The following HDAC9 variants were observed in gnomAD, a reference collection of about 807,000 sequenced individuals.
The protein encoded by HDAC9 is histone deacetylase 9.
A neutral mutation model predicts 139.4 loss-of-function variants in HDAC9; 41 were observed. The observed-to-expected ratio is 0.29, with a 90% CI of 0.23 to 0.38. The LOEUF (loss-of-function observed/expected upper bound fraction) is 0.38, where lower values mean the gene tolerates loss of function less well. HDAC9 is among the 10% of genes least tolerant of loss of function. The probability of loss-of-function intolerance (pLI) is 1.00; values close to 1 mark genes in which losing one functional copy is unlikely to be tolerated. For synonymous variants in HDAC9, 517 were observed against 476.2 expected, an observed-to-expected ratio of 1.09 and a Z score of -1.12; for missense variants, 1,147 against 1,297.0, an observed-to-expected ratio of 0.88 and a Z score of 1.78.
chr7:18,214,727 G>A (rs1792178095), intron 2 of HDAC9, among the ~76,000 whole-genome samples: 1 of 152,014 alleles, frequency 6.6e-6, no homozygotes, highest in Non-Finnish European at 1.5e-5. Context: ...ATACCTTTAT[G>A]TTTTTATTTA....
chr7:18,507,470 G>T (rs1249570511), intron 2 of HDAC9, among the ~76,000 whole-genome samples: 1 of 151,384 alleles, frequency 6.6e-6, no homozygotes, highest in Non-Finnish European at 1.5e-5. Flanking sequence ...TGGAATTACA[G>T]GCGTGAGCCA....
At chr7:18,945,688 T>C (rs146221384) in intron 23 of HDAC9, among the ~76,000 whole-genome samples, 54 of 152,148 alleles carry the variant, frequency 3.5e-4, no homozygotes, top group Middle Eastern at 3.4e-3. Flanking sequence ...AATATAGAGG[T>C]CAGGTTTGTT....
intron 12 of HDAC9, among the ~76,000 whole-genome samples, chr7:18,698,346 T>C (rs1051093851): frequency 2.0e-5 from 3 of 152,138 alleles, no homozygotes; most frequent in Non-Finnish European, 4.4e-5. Flanking sequence ...CCTCCTTTGG[T>C]TTGTGTTTAC....
At chr7:18,201,062 TC>T (rs1791081539) in intron 2 of HDAC9, among the ~76,000 whole-genome samples, 1 of 152,132 alleles carries the variant, frequency 6.6e-6, no homozygotes, top group South Asian at 2.1e-4. Flanking sequence ...CAGGCCCAGT[TC>T]CTTAGTTCTC....
intron 16 of HDAC9, among the ~76,000 whole-genome samples, chr7:18,770,844 G>T (rs1387193575): frequency 6.6e-6 from 1 of 152,164 alleles, no homozygotes; most frequent in African/African-American, 2.4e-5. Context: ...AAGCTGTGCT[G>T]GGGTTTACAG....
rs1445459859 is a variant in HDAC9, at chr7:19,000,454, G to A, written c.*4392G>A. On this transcript the variant is annotated 3_prime_UTR_variant, in exon 26 of 26. Coordinates refer to ENST00000686413, the MANE Select transcript of HDAC9 (RefSeq NM_178425.4). ...CAGAGGATGACATTTGTAAGTGAAC[G>A]TGGTATACTCACACATGCTATACTC... 1 of 152,166 alleles carries A rather than the reference G, an allele frequency of 6.6e-6. No homozygotes were observed. The highest frequency in any genetic ancestry group is 1.9e-4 in the East Asian group (1 of 5,202). 9.4% of individuals were successfully genotyped at this position (152,166 alleles called of 1,614,324 possible). A position where few individuals can be genotyped will look rare whatever the true frequency, so the allele number is the denominator to read the frequency against.
intron 12 of HDAC9, among the ~76,000 whole-genome samples, chr7:18,712,172 A>G (rs184953699): frequency 2.6e-5 from 4 of 152,012 alleles, no homozygotes; most frequent in Admixed American, 2.6e-4. Flanking sequence ...ATATAATCAC[A>G]TTTTTTCATT....
chr7:18,503,220 A>G (rs1422578980), intron 2 of HDAC9, among the ~76,000 whole-genome samples: 1 of 152,254 alleles, frequency 6.6e-6, no homozygotes, highest in East Asian at 1.9e-4. Context: ...CTGTTTTTGA[A>G]AGGAAGCTGA....
chr7:18,813,100 TCTTATA>T (rs1794308075), intron 17 of HDAC9, among the ~76,000 whole-genome samples: 1 of 152,134 alleles, frequency 6.6e-6, no homozygotes, highest in East Asian at 1.9e-4. Flanking sequence ...CAGATTTTTG[TCTTATA>T]CTTCTGAGTC....
chr7:18,667,694 T>G (rs746966172), intron 12 of HDAC9: 9 of 985,078 alleles, frequency 9.1e-6, no homozygotes, highest in Non-Finnish European at 1.1e-5. Context: ...TACTGAGGAA[T>G]GTAGGAAAAA....
chr7:18,567,396 A>G (rs1346242128), intron 2 of HDAC9, among the ~76,000 whole-genome samples: 4 of 152,226 alleles, frequency 2.6e-5, no homozygotes, highest in Non-Finnish European at 5.9e-5. Context: ...TTGTTTAACC[A>G]TGATAATACT....
At chr7:18,647,361 T>C (rs1246579628) in intron 9 of HDAC9, among the ~76,000 whole-genome samples, 1 of 152,164 alleles carries the variant, frequency 6.6e-6, no homozygotes, top group Non-Finnish European at 1.5e-5. Context: ...CTAATTAACA[T>C]ATGCATTGTC....
intron 1 of HDAC9, among the ~76,000 whole-genome samples, chr7:18,112,496 A>G (rs981568567): frequency 6.6e-6 from 1 of 152,226 alleles, no homozygotes; most frequent in African/African-American, 2.4e-5. Flanking sequence ...GATGAGTAAG[A>G]GAAGTTCCGA....
chr7:18,218,609 C>T (rs1792476183), intron 2 of HDAC9, among the ~76,000 whole-genome samples: 1 of 152,078 alleles, frequency 6.6e-6, no homozygotes, highest in Admixed American at 6.6e-5. Context: ...AAGCTATCCA[C>T]CACACACAGA....
rs1181788908 is a variant in HDAC9 at position 18,666,288 on chromosome 7, G to A, written c.1543G>A (p.Asp515Asn). 1 of 1,613,464 alleles carries A rather than the reference G, an allele frequency of 6.2e-7. No homozygotes were observed. The highest frequency in any genetic ancestry group is 8.5e-7 in the Non-Finnish European group (1 of 1,179,614). Residue 515 changes from aspartate to asparagine, a missense_variant, in exon 12 of 26, where the codon GAC (aspartate) becomes AAC (asparagine). Coordinates refer to ENST00000686413, the MANE Select transcript of HDAC9 (RefSeq NM_178425.4). The part of the protein sequence containing the change: ...LEEAEEELQG[D>N]QAMQEDRAPS... Reference sequence around the variant, plus strand: ...GGAAGCAGAGGAAGAGCTTCAGGGGGACCAGGCGATGCAGGAAGACAGAGC... The same window carrying A: ...GGAAGCAGAGGAAGAGCTTCAGGGGAACCAGGCGATGCAGGAAGACAGAGC...
chr7:18,663,996 T>C (rs556810090), intron 11 of HDAC9, among the ~76,000 whole-genome samples: 32 of 152,308 alleles, frequency 2.1e-4, no homozygotes, highest in African/African-American at 7.7e-4. Flanking sequence ...CTAGGAATTT[T>C]TCTTTAATAT....
At chr7:18,795,016 G>T (rs1350617866) in intron 17 of HDAC9, among the ~76,000 whole-genome samples, 1 of 152,064 alleles carries the variant, frequency 6.6e-6, no homozygotes, top group Admixed American at 6.5e-5. Flanking sequence ...GCTTCACTGT[G>T]TGCAGAATTG....
At chr7:18,569,302 A>T (rs997063641) in intron 2 of HDAC9, among the ~76,000 whole-genome samples, 1 of 152,212 alleles carries the variant, frequency 6.6e-6, no homozygotes, top group Admixed American at 6.5e-5. Flanking sequence ...TTTATGTCAC[A>T]AAATATTTTC....
intron 22 of HDAC9, among the ~76,000 whole-genome samples, chr7:18,927,204 G>A (rs567261694): frequency 2.6e-5 from 4 of 152,220 alleles, no homozygotes; most frequent in East Asian, 1.9e-4. Flanking sequence ...TTATGGTAGC[G>A]ACAATGGTTC....
Sources: allele counts gnomAD v4.1 joint callset (sites outside exome capture counted in the v4.1 genomes callset), GRCh38; gene constraint gnomAD v4.1.1; transcripts MANE v1.5; gene names NCBI Gene and HGNC (gene_info 2026-07-23, HGNC 2026-07-21).